DACH1: variants seen among roughly 807,000 people sequenced by gnomAD.
DACH1 encodes dachshund homolog 1.
In DACH1, 12 loss-of-function variants were observed where a neutral mutation model predicts 54.2. That is an observed-to-expected ratio of 0.22 (90% CI 0.14 to 0.36). DACH1 has a LOEUF of 0.36. Ranked by LOEUF, DACH1 falls within the 10% of genes least tolerant of loss-of-function variation. DACH1 has a pLI of 1.00. For synonymous variants in DACH1, 386 were observed against 366.2 expected (o/e 1.05, Z -0.62); for missense variants, 805 against 929.8 (o/e 0.87, Z 1.75).
chr13:71,780,173 A>G (rs1222381384), intron 1 of DACH1, among the ~76,000 whole-genome samples: 2 of 152,198 alleles, frequency 1.3e-5, no homozygotes, highest in Non-Finnish European at 2.9e-5. Context: ...CAGCAAGGGA[A>G]AGAACGGGAG....
intron 2 of DACH1, among the ~76,000 whole-genome samples, chr13:71,666,429 T>G (rs1879838244): frequency 2.6e-5 from 4 of 152,042 alleles, no homozygotes; most frequent in African/African-American, 7.3e-5. Flanking sequence ...TTCTAACCCA[T>G]ACGGTGAGAA....
At chr13:71,790,404 G>A (rs529025519) in intron 1 of DACH1, among the ~76,000 whole-genome samples, 51 of 152,216 alleles carry the variant, frequency 3.4e-4, no homozygotes, top group Admixed American at 5.9e-4. Flanking sequence ...TAATGTTGAC[G>A]CTTAAGAAAA....
chr13:71,739,727 C>T (rs908940826), intron 1 of DACH1, among the ~76,000 whole-genome samples: 1 of 151,984 alleles, frequency 6.6e-6, no homozygotes, highest in African/African-American at 2.4e-5. Context: ...GGTTAGCTGG[C>T]CAGTAAGAAG....
intron 1 of DACH1, among the ~76,000 whole-genome samples, chr13:71,716,880 A>G (rs959136069): frequency 2.6e-5 from 4 of 152,150 alleles, no homozygotes; most frequent in African/African-American, 9.7e-5. Flanking sequence ...GGTTTGTTAC[A>G]TAGGTATACA....
At chr13:71,468,240 T>C (rs1198181133) in intron 10 of DACH1, among the ~76,000 whole-genome samples, 3 of 152,200 alleles carry the variant, frequency 2.0e-5, no homozygotes, top group Non-Finnish European at 1.5e-5. Flanking sequence ...AGTAAATATA[T>C]TGTAATAATA....
intron 2 of DACH1, among the ~76,000 whole-genome samples, chr13:71,672,125 T>G (rs138175654): frequency 6.6e-6 from 1 of 152,110 alleles, no homozygotes; most frequent in Admixed American, 6.5e-5. Context: ...TAGAGCAAAA[T>G]AGTACTGTTC....
chr13:71,672,687 C>T (rs560210484), intron 2 of DACH1, among the ~76,000 whole-genome samples: 29 of 152,072 alleles, frequency 1.9e-4, no homozygotes, highest in Non-Finnish European at 3.7e-4. Context: ...GTATTTCTCG[C>T]ATTTCTTGGT....
At chr13:71,713,880 A>G (rs935497386) in intron 1 of DACH1, among the ~76,000 whole-genome samples, 1 of 152,116 alleles carries the variant, frequency 6.6e-6, no homozygotes, top group African/African-American at 2.4e-5. Flanking sequence ...ATAATCATAA[A>G]TAAGTATTAT....
intron 1 of DACH1, among the ~76,000 whole-genome samples, chr13:71,693,296 C>CTTTTGTTTTTTTTTT (rs1881620069): frequency 1.1e-5 from 1 of 90,962 alleles, no homozygotes; most frequent in African/African-American, 5.2e-5. Flanking sequence ...ATTTGTTTTG[C>CTTTTGTTTTTTTTTT]TTTTTTTTTT....
rs1369886754 is a variant in DACH1, at chr13:71,866,464, G to A, written c.306C>T (p.Ser102=). The part of the protein sequence containing the change: ...GGGGGGGGGG[S]NCNPNLAAAS... ...CGGCCGCCAGGTTGGGGTTGCAGTT[G>A]CTGCCACCGCCGCCGCCGCCACCGC... The change falls in exon 1 of 11, where the codon AGC becomes AGT. Residue 102 remains serine (S), a synonymous_variant. Transcript: ENST00000613252. The A allele has an allele frequency of 5.4e-6, 7 of 1,291,202 alleles. No homozygotes were observed. In the African/African-American group the frequency reaches 9.3e-5, roughly 17 times the overall value. The allele number at this position is 1,291,202 out of a possible 1,614,324, so 80.0% of individuals were successfully genotyped here. A position where few individuals can be genotyped will look rare whatever the true frequency, so the allele number is the denominator to read the frequency against.
chr13:71,646,200 G>C (rs1422876785), intron 2 of DACH1, among the ~76,000 whole-genome samples: 1 of 151,962 alleles, frequency 6.6e-6, no homozygotes, highest in African/African-American at 2.4e-5. Flanking sequence ...AGCCAGGCAT[G>C]GTGGCGGGTG....
chr13:71,502,433 C>G (rs144337037), intron 6 of DACH1, among the ~76,000 whole-genome samples: 182 of 152,286 alleles, frequency 1.2e-3, no homozygotes, highest in African/African-American at 4.1e-3. Flanking sequence ...AATTTCTCCA[C>G]CCTACACCTT....
chr13:71,690,046 G>A (rs1051489540), intron 1 of DACH1, among the ~76,000 whole-genome samples: 1 of 152,034 alleles, frequency 6.6e-6, no homozygotes, highest in African/African-American at 2.4e-5. Context: ...TATCAGATCA[G>A]GGAGATGGAT....
intron 1 of DACH1, among the ~76,000 whole-genome samples, chr13:71,745,555 C>A (rs1276581306): frequency 6.6e-6 from 1 of 152,124 alleles, no homozygotes; most frequent in East Asian, 1.9e-4. Context: ...AGGTTTCCAC[C>A]AACTAAGCTG....
At chr13:71,765,421 T>G (rs1885578665) in intron 1 of DACH1, among the ~76,000 whole-genome samples, 1 of 152,222 alleles carries the variant, frequency 6.6e-6, no homozygotes, top group Non-Finnish European at 1.5e-5. Flanking sequence ...ATAATAATCT[T>G]CTAACTAGCC....
chr13:71,688,411 T>A (rs866490072), intron 1 of DACH1, among the ~76,000 whole-genome samples: 1 of 152,232 alleles, frequency 6.6e-6, no homozygotes, highest in Non-Finnish European at 1.5e-5. Flanking sequence ...AGAAGCTATA[T>A]GATTAACATT....
At chr13:71,796,380 T>G (rs2138109530) in intron 1 of DACH1, among the ~76,000 whole-genome samples, 1 of 152,238 alleles carries the variant, frequency 6.6e-6, no homozygotes, top group Non-Finnish European at 1.5e-5. Context: ...ATAAAAATCT[T>G]ACTTTTCTTC....
chr13:71,491,463 T>C (rs1239491267), intron 6 of DACH1, among the ~76,000 whole-genome samples: 1 of 152,176 alleles, frequency 6.6e-6, no homozygotes, highest in East Asian at 1.9e-4. Flanking sequence ...CCTCGTGGTT[T>C]CAGCTGTATG....
intron 4 of DACH1, among the ~76,000 whole-genome samples, chr13:71,567,433 G>T (rs1017379097): frequency 6.6e-6 from 1 of 151,518 alleles, no homozygotes; most frequent in African/African-American, 2.4e-5. Flanking sequence ...TAGGTAAAAT[G>T]AGCAGAACAA....
Sources: gnomAD v4.1 joint callset for allele counts (sites outside exome capture counted in the v4.1 genomes callset) on GRCh38, gnomAD v4.1.1 for gene constraint, MANE v1.5 for transcripts, NCBI Gene and HGNC (gene_info 2026-07-23, HGNC 2026-07-21) for gene names.